The following DOCK1 variants were observed in gnomAD, a reference collection of about 807,000 sequenced individuals.
DOCK1 encodes the protein dedicator of cytokinesis 1, also known as dedicator of cytokinesis protein 1.
Under a neutral mutation model 262.7 loss-of-function variants are expected in DOCK1, and 138 were observed. The ratio of observed to expected loss-of-function variants is 0.53; its 90% CI spans 0.46 to 0.61. The LOEUF (loss-of-function observed/expected upper bound fraction) is 0.61, where lower values mean the gene tolerates loss of function less well. Ranked by LOEUF, DOCK1 falls within the 20% of genes least tolerant of loss-of-function variation. DOCK1 has a pLI of 0.00. For missense variants in DOCK1, 1,908 were observed against 2,370.7 expected (o/e 0.80, Z 4.05); for synonymous variants, 866 against 867.4 (o/e 1.00, Z 0.03).
chr10:127,133,527 A>T (rs967388284), intron 27 of DOCK1, among the ~76,000 whole-genome samples: 7 of 151,960 alleles, frequency 4.6e-5, no homozygotes, highest in Non-Finnish European at 1.0e-4. Context: ...TTATAAGTTC[A>T]TTTTTCTTTG....
intron 1 of DOCK1, among the ~76,000 whole-genome samples, chr10:126,956,545 G>C (rs1394980886): frequency 1.3e-5 from 2 of 152,128 alleles, no homozygotes; most frequent in Non-Finnish European, 2.9e-5. Context: ...CTTGCTCCCC[G>C]CCCACGTGCC....
At chr10:127,038,961 G>C (rs533332201) in intron 19 of DOCK1, among the ~76,000 whole-genome samples, 13 of 152,276 alleles carry the variant, frequency 8.5e-5, no homozygotes, top group African/African-American at 2.4e-4. Flanking sequence ...CGTTCTATAA[G>C]CATAGACTCT....
intron 29 of DOCK1, among the ~76,000 whole-genome samples, chr10:127,324,295 C>A (rs1315906645): frequency 1.3e-5 from 2 of 152,184 alleles, no homozygotes; most frequent in Non-Finnish European, 2.9e-5. Flanking sequence ...TGGCCTTAAC[C>A]GTCACCTGCC....
chr10:127,196,698 C>T (rs1186045537), intron 27 of DOCK1, among the ~76,000 whole-genome samples: 5 of 144,078 alleles, frequency 3.5e-5, no homozygotes, highest in African/African-American at 1.3e-4. Context: ...CCCCTCCCGC[C>T]GCCGCCAGAG....
At chr10:127,172,923 G>T (rs941563583) in intron 27 of DOCK1, among the ~76,000 whole-genome samples, 1 of 152,208 alleles carries the variant, frequency 6.6e-6, no homozygotes, top group Non-Finnish European at 1.5e-5. Flanking sequence ...CATTTGAAAT[G>T]TGACTGCTGT....
intron 1 of DOCK1, among the ~76,000 whole-genome samples, chr10:126,923,218 T>C (rs1331575889): frequency 6.6e-6 from 1 of 152,250 alleles, no homozygotes; most frequent in Non-Finnish European, 1.5e-5. Context: ...TGACCTCTGG[T>C]CTAGAGTCTT....
chr10:127,429,003 A>ATTGGGG (rs1565085496), intron 47 of DOCK1, among the ~76,000 whole-genome samples: 2,805 of 35,392 alleles, frequency 0.079, 44 homozygotes, highest in Admixed American at 0.13. Context: ...GTGGATTGGG[A>ATTGGGG]TGCCGTGTGG....
chr10:126,948,879 C>T (rs1249651966), intron 1 of DOCK1, among the ~76,000 whole-genome samples: 2 of 152,006 alleles, frequency 1.3e-5, no homozygotes, highest in South Asian at 2.1e-4. Flanking sequence ...CTGGGCCTGG[C>T]CCAGGGTAGT....
intron 13 of DOCK1, among the ~76,000 whole-genome samples, chr10:127,022,685 C>T (rs2042524086): frequency 6.6e-6 from 1 of 152,178 alleles, no homozygotes; most frequent in Non-Finnish European, 1.5e-5. Context: ...GGTGAGCCAC[C>T]TCGCCTGGCC....
At chr10:127,394,708 G>A (rs1255418578) in intron 38 of DOCK1, among the ~76,000 whole-genome samples, 10 of 152,054 alleles carry the variant, frequency 6.6e-5, no homozygotes, top group African/African-American at 2.2e-4. Flanking sequence ...GTCCATTTTC[G>A]AGTCAGTAAC....
chr10:127,189,174 G>A lies in DOCK1; in HGVS notation c.2848-58834G>A, dbSNP rs905549512. 1.6e-4 allele frequency among the ~76,000 whole-genome samples: 24 copies of A among 152,226 alleles called. 1 individual carries two copies. The highest frequency in any genetic ancestry group is 1.5e-3 in the Admixed American group (23 of 15,280). On this transcript the variant is annotated intron_variant, in intron 27 of 51. Coordinates refer to ENST00000623213, the MANE Select transcript of DOCK1 (RefSeq NM_001290223.2). ...CACCAGAAGGTTCCAACCTTGAGTGGCTGATTAAAAACTGTACGGTTGTCT... is the reference window on the plus strand; with the variant it reads ...CACCAGAAGGTTCCAACCTTGAGTGACTGATTAAAAACTGTACGGTTGTCT...
chr10:127,081,849 C>A (rs1191046194), intron 23 of DOCK1, among the ~76,000 whole-genome samples: 1 of 152,154 alleles, frequency 6.6e-6, no homozygotes, highest in African/African-American at 2.4e-5. Flanking sequence ...GATTTTGGAT[C>A]ATTTTGAAAA....
intron 5 of DOCK1, 53 bp from the exon 6 acceptor site, chr10:126,990,402 C>CCA: frequency 6.5e-7 from 1 of 1,539,968 alleles, no homozygotes; most frequent in Non-Finnish European, 8.8e-7. Flanking sequence ...TCTACCATCT[C>CCA]CACAATGCTG....
intron 47 of DOCK1, among the ~76,000 whole-genome samples, chr10:127,429,533 A>G (rs147029736): frequency 6.4e-4 from 98 of 152,350 alleles, no homozygotes; most frequent in African/African-American, 2.2e-3. Flanking sequence ...AAACCCATAG[A>G]AAGGACATAA....
At chr10:127,271,840 A>G (rs1000531926) in intron 29 of DOCK1, among the ~76,000 whole-genome samples, 2 of 152,172 alleles carry the variant, frequency 1.3e-5, no homozygotes, top group African/African-American at 4.8e-5. Flanking sequence ...AAAGGCAGTT[A>G]CTCTTTTTAT....
intron 23 of DOCK1, among the ~76,000 whole-genome samples, chr10:127,098,240 A>G (rs565651671): frequency 1.3e-5 from 2 of 152,352 alleles, no homozygotes; most frequent in East Asian, 3.9e-4. Context: ...AAAACAGGAA[A>G]AATCTTCAAT....
intron 29 of DOCK1, 30 bp from the exon 30 acceptor site, chr10:127,338,976 T>C: frequency 6.5e-7 from 1 of 1,547,084 alleles, no homozygotes; most frequent in Non-Finnish European, 8.8e-7. Context: ...CGTAAGTGTG[T>C]AATTATGTAA....
intron 29 of DOCK1, among the ~76,000 whole-genome samples, chr10:127,265,385 A>T (rs80051062): frequency 1.4e-5 from 2 of 145,204 alleles, no homozygotes; most frequent in Non-Finnish European, 3.0e-5. Context: ...GTTACACATT[A>T]AAAAAAAAAA....
chr10:127,037,847 T>A, intron 19 of DOCK1, 31 bp downstream of exon 19: 1 of 1,222,648 alleles, frequency 8.2e-7, no homozygotes, highest in Non-Finnish European at 1.1e-6. Context: ...ACTTTTTGGG[T>A]CTTTTTTTTT....
Sources: allele counts gnomAD v4.1 joint callset (sites outside exome capture counted in the v4.1 genomes callset), GRCh38; gene constraint gnomAD v4.1.1; transcripts MANE v1.5; gene names NCBI Gene and HGNC (gene_info 2026-07-23, HGNC 2026-07-21).